ZC3H11A: variants seen among roughly 807,000 people sequenced by gnomAD.
ZC3H11A encodes the protein zinc finger CCCH domain-containing protein 11A.
In ZC3H11A, 22 loss-of-function variants were observed where a neutral mutation model predicts 90.8. The observed-to-expected ratio is 0.24, with a 90% CI of 0.17 to 0.35. The LOEUF (loss-of-function observed/expected upper bound fraction) is 0.35. Among genes scored for constraint, ZC3H11A ranks in the 10% least tolerant of loss-of-function variants. ZC3H11A has a pLI of 1.00. For missense variants in ZC3H11A, 701 were observed against 964.9 expected, an observed-to-expected ratio of 0.73 and a Z score of 3.62; for synonymous variants, 294 against 339.8, an observed-to-expected ratio of 0.87 and a Z score of 1.48.
At chr1:203,812,214 C>A (rs1674718729) in intron 2 of ZC3H11A, among the ~76,000 whole-genome samples, 1 of 152,116 alleles carries the variant, frequency 6.6e-6, no homozygotes, top group Admixed American at 6.6e-5. Context: ...CAGATTATTT[C>A]ATCACCCAGG....
chr1:203,807,366 A>T (rs1672735615), intron 2 of ZC3H11A, among the ~76,000 whole-genome samples: 1 of 151,886 alleles, frequency 6.6e-6, no homozygotes, highest in Non-Finnish European at 1.5e-5. Flanking sequence ...GCTCAGTGCA[A>T]CCTCAAACTC....
In ZC3H11A at chr1:203,847,369, C is replaced by A; in HGVS notation, c.1228C>A (p.Leu410Met). The change falls in exon 13 of 18, where the codon CTG (leucine) becomes ATG (methionine). Residue 410 changes from leucine (L) to methionine (M), a missense_variant. Coordinates refer to ENST00000367210, the MANE Select transcript of ZC3H11A (RefSeq NM_001376342.1). ...CCGTATCAAAACCTTCTCTGAGGTC[C>A]TGGCTGAAAAAAAACATCGGCAGCA... Reference protein sequence around the residue: ...TIRIKTFSEVLAEKKHRQQEA... With the variant: ...TIRIKTFSEVMAEKKHRQQEA... The A allele has an allele frequency of 6.2e-7, 1 of 1,613,770 alleles. No individual in the cohort carries two copies. The highest frequency in any genetic ancestry group is 1.1e-5 in the South Asian group (1 of 91,074).
intron 4 of ZC3H11A, 76 bp downstream of exon 4, chr1:203,818,765 G>T: frequency 6.2e-7 from 1 of 1,603,220 alleles, no homozygotes. Flanking sequence ...AGGGACAAAA[G>T]TGACTTTTAA....
chr1:203,801,988 A>G lies in ZC3H11A; in HGVS notation c.-1174A>G, dbSNP rs2102430973. On this transcript the variant is annotated 5_prime_UTR_variant, in exon 2 of 18. Transcript: ENST00000367210. ...CTAGGCTGCGTAAGCAAGCCTTTCC[A>G]GGGCCACTATTTAATGGCAAACCAG... The G allele has an allele frequency of 6.5e-6, 1 of 152,756 alleles. No homozygotes were observed. The highest frequency in any genetic ancestry group is 3.4e-3 in the Middle Eastern group (1 of 294). The allele number at this position is 152,756 out of a possible 1,614,324, so 9.5% of individuals were successfully genotyped here. A position where few individuals can be genotyped will look rare whatever the true frequency, so the allele number is the denominator to read the frequency against.
intron 2 of ZC3H11A, among the ~76,000 whole-genome samples, chr1:203,812,578 ATTTT>A (rs386369376): frequency 9.1e-6 from 1 of 109,314 alleles, no homozygotes; most frequent in South Asian, 2.8e-4. Context: ...GCCATTCTAA[ATTTT>A]TTTTTTTTTT....
At chr1:203,821,633 T>A (rs980419068) in intron 4 of ZC3H11A, among the ~76,000 whole-genome samples, 6 of 152,178 alleles carry the variant, frequency 3.9e-5, no homozygotes, top group Admixed American at 6.6e-5. Context: ...TGAATAATGG[T>A]ATATAGAAGT....
chr1:203,823,306 C>A (rs1363583314), intron 4 of ZC3H11A, among the ~76,000 whole-genome samples: 1 of 152,136 alleles, frequency 6.6e-6, no homozygotes, highest in East Asian at 1.9e-4. Flanking sequence ...TGCCCACTCC[C>A]TTTAGGGGTG....
At chr1:203,842,070 C>T (rs963054328) in intron 12 of ZC3H11A, among the ~76,000 whole-genome samples, 1 of 151,704 alleles carries the variant, frequency 6.6e-6, no homozygotes, top group East Asian at 1.9e-4. Flanking sequence ...CTCCTCACTT[C>T]CTAGACGGGA....
intron 12 of ZC3H11A, among the ~76,000 whole-genome samples, chr1:203,846,757 T>A (rs1016926059): frequency 2.6e-5 from 4 of 152,242 alleles, no homozygotes; most frequent in African/African-American, 9.6e-5. Flanking sequence ...AAGAATAAGC[T>A]TCTGAATAGA....
rs1020269845 is a variant in ZC3H11A at position 203,852,206 on chromosome 1, C to T, written c.2240C>T (p.Ser747Leu). 3.1e-6 allele frequency: 5 copies of T among 1,613,536 alleles called. No homozygotes were observed. The highest frequency in any genetic ancestry group is 1.3e-5 in the African/African-American group (1 of 74,794). Residue 747 changes from serine (S) to leucine (L), a missense_variant, in exon 18 of 18, where the codon TCA becomes TTA. Transcript: ENST00000367210. ...SSPPEVSGPSSSQMSMKTRRL... is the reference protein window; with the variant it reads ...SSPPEVSGPSLSQMSMKTRRL... ...CCCCCGGAGGTGTCTGGCCCTTCCT[C>T]ATCCCAAATGAGCATGAAAACTCGC...
Position 203,852,960 on chromosome 1 carries a change from G to C in ZC3H11A, c.*561G>C, listed in dbSNP as rs1383288040. The C allele has an allele frequency of 6.4e-6, 1 of 156,350 alleles. No individual in the cohort carries two copies. The highest frequency in any genetic ancestry group is 1.4e-5 in the Non-Finnish European group (1 of 70,448). The allele number at this position is 156,350 out of a possible 1,614,324, so 9.7% of individuals were successfully genotyped here. On this transcript the variant is annotated 3_prime_UTR_variant, in exon 18 of 18. Coordinates refer to ENST00000367210, the MANE Select transcript of ZC3H11A (RefSeq NM_001376342.1). ...CTGAGCAGCTCAGGAAGCCTGTAAT[G>C]TGGGCATAACTCTTTGGACCTGATC...
intron 4 of ZC3H11A, among the ~76,000 whole-genome samples, chr1:203,821,408 C>T (rs952972794): frequency 2.0e-5 from 3 of 151,986 alleles, no homozygotes; most frequent in Non-Finnish European, 2.9e-5. Context: ...ATCAGTGTGT[C>T]GTACTCTGTT....
At position 203,800,042 on chromosome 1, in the gene ZC3H11A, A is replaced by C. The variant is rs76919946; in HGVS notation, c.-1587-1533A>C. 2.5e-3 allele frequency: 3,766 copies of C among 1,536,108 alleles called. 63 individuals are homozygous for C. The African/African-American group carries it at 0.036, about 15-fold the overall frequency. ...CTCTAAAAGAAGGCACCTCCAGTTCAGGTTCTGTTGATAGCTCAGCTGTAG... is the reference window on the plus strand; with the variant it reads ...CTCTAAAAGAAGGCACCTCCAGTTCCGGTTCTGTTGATAGCTCAGCTGTAG... On this transcript the variant is annotated intron_variant, in intron 1 of 17. Coordinates refer to ENST00000367210, the MANE Select transcript of ZC3H11A (RefSeq NM_001376342.1).
chr1:203,841,162 T>TA (rs1334587270), intron 12 of ZC3H11A, among the ~76,000 whole-genome samples: 13 of 151,918 alleles, frequency 8.6e-5, no homozygotes, highest in African/African-American at 1.9e-4. Context: ...TTTTTATTTT[T>TA]TTTTTTAGTA....
chr1:203,838,215 A>T, intron 11 of ZC3H11A, 151 bp downstream of exon 11: 1 of 788,814 alleles, frequency 1.3e-6, no homozygotes, highest in Non-Finnish European at 2.0e-6. Flanking sequence ...TTTGATCCTT[A>T]GTCTGCTAGA....
At position 203,840,746 on chromosome 1, in the gene ZC3H11A, G is replaced by A. The variant is rs182748162; in HGVS notation, c.1042+372G>A. 1.9e-3 allele frequency among the ~76,000 whole-genome samples: 283 copies of A among 152,040 alleles called. 2 individuals are homozygous for A. The highest frequency in any genetic ancestry group is 6.5e-3 in the African/African-American group (268 of 41,468). On this transcript the variant is annotated intron_variant, in intron 12 of 17. Coordinates refer to ENST00000367210, the MANE Select transcript of ZC3H11A (RefSeq NM_001376342.1). ...CCTCCTGGGTTCAAGCAATTCCCCT[G>A]CCTCAGCCTACCGAGTAGCTAGAAT...
intron 2 of ZC3H11A, chr1:203,805,556 T>C: frequency 1.7e-6 from 1 of 589,148 alleles, no homozygotes; most frequent in East Asian, 4.5e-5. Context: ...TACGGTAAAT[T>C]TGGAAAGATC....
chr1:203,798,703 C>G (rs1410099633), intron 1 of ZC3H11A: 19 of 1,536,072 alleles, frequency 1.2e-5, no homozygotes, highest in Non-Finnish European at 1.7e-5. Flanking sequence ...CTGATGCGTG[C>G]GCAGGAGAGA....
intron 4 of ZC3H11A, among the ~76,000 whole-genome samples, chr1:203,825,428 A>ATTTT (rs59157538): frequency 1.2e-5 from 1 of 81,632 alleles, no homozygotes; most frequent in South Asian, 4.1e-4. Flanking sequence ...ACTGTGGAGG[A>ATTTT]TTTTTTTTTT....
Sources: allele counts gnomAD v4.1 joint callset (sites outside exome capture counted in the v4.1 genomes callset), GRCh38; gene constraint gnomAD v4.1.1; transcripts MANE v1.5; gene names NCBI Gene and HGNC (gene_info 2026-07-23, HGNC 2026-07-21).